PAXIP1: variants seen among roughly 807,000 people sequenced by gnomAD.
The protein encoded by PAXIP1 is PAX interacting protein 1.
PAXIP1 carries 19 observed loss-of-function variants against 140.6 expected under a neutral mutation model. The ratio of observed to expected loss-of-function variants is 0.14; its 90% CI spans 0.09 to 0.20. The LOEUF is 0.20. PAXIP1 is among the 10% of genes least tolerant of loss of function. PAXIP1 has a pLI of 1.00. For missense variants in PAXIP1, 920 were observed against 1,208.6 expected, an observed-to-expected ratio of 0.76 and a Z score of 3.54; for synonymous variants, 442 against 444.6, an observed-to-expected ratio of 0.99 and a Z score of 0.07.
intron 3 of PAXIP1, 36 bp from the exon 4 acceptor site, chr7:154,991,105 A>G: frequency 4.4e-6 from 5 of 1,142,004 alleles, no homozygotes; most frequent in Non-Finnish European, 6.3e-6. Flanking sequence ...ATGAAATAAG[A>G]TTAGTGCAAC....
intron 5 of PAXIP1, among the ~76,000 whole-genome samples, chr7:154,982,309 T>G (rs1809877206): frequency 6.6e-6 from 1 of 152,208 alleles, no homozygotes; most frequent in Admixed American, 6.5e-5. Context: ...CACTGACTGT[T>G]GGGCTCATCT....
At chr7:154,991,408 A>G (rs1054395070) in intron 3 of PAXIP1, among the ~76,000 whole-genome samples, 1 of 151,790 alleles carries the variant, frequency 6.6e-6, no homozygotes, top group Non-Finnish European at 1.5e-5. Context: ...ATACACATAC[A>G]CACAAATGGC....
At chr7:155,002,330 C>T (rs1009335104) in intron 1 of PAXIP1, among the ~76,000 whole-genome samples, 2 of 152,308 alleles carry the variant, frequency 1.3e-5, no homozygotes, top group East Asian at 1.9e-4. Flanking sequence ...CCGCACAGGA[C>T]GGCAGCTGCC....
intron 3 of PAXIP1, 76 bp downstream of exon 3, chr7:154,993,650 C>A: frequency 2.8e-6 from 3 of 1,078,996 alleles, no homozygotes; most frequent in Middle Eastern, 2.0e-4. Flanking sequence ...ACTTTTCACT[C>A]CATTAACTAT....
At position 154,946,447 on chromosome 7, in the gene PAXIP1, A is replaced by G; in HGVS notation, c.3134-22T>C. On this transcript the variant is annotated intron_variant, in intron 19 of 20. Coordinates refer to ENST00000404141, the MANE Select transcript of PAXIP1 (RefSeq NM_007349.4). This position sits in a 1 kb window ranked among gnomAD's most constrained non-coding sequence, Gnocchi z 4.9. ...ACATCTGAACAGGGTGGAAACAGAC[A>G]CTTTAGTTAGAGATCCACTGCTGTG... 6.2e-7 allele frequency: 1 copy of G among 1,612,120 alleles called. No homozygotes were observed.
At position 154,955,589 on chromosome 7, in the gene PAXIP1, T is replaced by C. The variant is rs752182775; in HGVS notation, c.2592A>G (p.Glu864=). 6 of 1,602,568 alleles carry C rather than the reference T, an allele frequency of 3.7e-6. No individual in the cohort carries two copies. In the South Asian group the frequency reaches 5.6e-5, roughly 15 times the overall value. Residue 864 remains glutamate, a synonymous_variant, in exon 15 of 21, where the codon GAA becomes GAG. Transcript: ENST00000404141. ...CAGTGAAAAGCACAAAAGGGGTCAATTCTGGAGTTAGCTTTTTAGTGGGAG... is the reference window on the plus strand; with the variant it reads ...CAGTGAAAAGCACAAAAGGGGTCAACTCTGGAGTTAGCTTTTTAGTGGGAG... ...VPPPTKKLTP[E]LTPFVLFTGF... is the part of the protein sequence containing the mutation.
intron 1 of PAXIP1, among the ~76,000 whole-genome samples, chr7:154,999,548 T>G (rs1810791303): frequency 6.6e-6 from 1 of 152,156 alleles, no homozygotes; most frequent in African/African-American, 2.4e-5. Flanking sequence ...GATGTCCTGA[T>G]GGGCAGAAAG....
chr7:154,985,053 C>T (rs892784542), intron 4 of PAXIP1, among the ~76,000 whole-genome samples: 4 of 152,154 alleles, frequency 2.6e-5, no homozygotes, highest in Non-Finnish European at 5.9e-5. Flanking sequence ...CCAGATTCTT[C>T]ACTGATGTAC....
At chr7:154,978,147 T>C (rs1309940868) in intron 5 of PAXIP1, among the ~76,000 whole-genome samples, 2 of 152,240 alleles carry the variant, frequency 1.3e-5, no homozygotes, top group Non-Finnish European at 2.9e-5. Flanking sequence ...CAATGAACTA[T>C]GATTCACCTC....
intron 4 of PAXIP1, among the ~76,000 whole-genome samples, chr7:154,988,097 T>C (rs1810156882): frequency 6.6e-6 from 1 of 152,236 alleles, no homozygotes; most frequent in Non-Finnish European, 1.5e-5. Context: ...TATACCTTGG[T>C]TTCCCATCGT....
chr7:154,982,078 G>A (rs1434679982), intron 5 of PAXIP1, among the ~76,000 whole-genome samples: 1 of 152,112 alleles, frequency 6.6e-6, no homozygotes, highest in Non-Finnish European at 1.5e-5. Flanking sequence ...AATTAACTAT[G>A]TAAAAATCAA....
intron 8 of PAXIP1, chr7:154,965,568 C>G (rs1348159601): frequency 1.3e-5 from 2 of 152,326 alleles, no homozygotes; most frequent in Admixed American, 1.3e-4. Context: ...CCTGTCCCTC[C>G]TCCTCCTAGG....
chr7:154,954,244 C>A lies in PAXIP1; in HGVS notation c.2821+11G>T. 6.7e-7 allele frequency: 1 copy of A among 1,493,730 alleles called. No homozygotes were observed. The highest frequency in any genetic ancestry group is 9.0e-7 in the Non-Finnish European group (1 of 1,105,606). The allele number at this position is 1,493,730 out of a possible 1,614,324, so 92.5% of individuals were successfully genotyped here. A position where few individuals can be genotyped will look rare whatever the true frequency, so the allele number is the denominator to read the frequency against. Reference sequence around the variant, plus strand: ...GGCATTAAAAGCAAAGTTACTGGCGCTGCTCCTTACCAATGAACTTCTGAC... The same window carrying A: ...GGCATTAAAAGCAAAGTTACTGGCGATGCTCCTTACCAATGAACTTCTGAC... On this transcript the variant is annotated intron_variant, in intron 16 of 20. Coordinates refer to ENST00000404141, the MANE Select transcript of PAXIP1 (RefSeq NM_007349.4). The surrounding 1 kb of genome is among the most constrained non-coding windows in gnomAD (Gnocchi z 5.1).
intron 2 of PAXIP1, among the ~76,000 whole-genome samples, chr7:154,994,898 T>C (rs1477362472): frequency 3.3e-5 from 5 of 152,246 alleles, no homozygotes; most frequent in Non-Finnish European, 7.3e-5. Context: ...TTTCGATCTA[T>C]GTGCCTTATC....
At chr7:154,994,696 T>C (rs1329210532) in intron 2 of PAXIP1, among the ~76,000 whole-genome samples, 1 of 152,156 alleles carries the variant, frequency 6.6e-6, no homozygotes, top group Non-Finnish European at 1.5e-5. Context: ...TTAGATGACA[T>C]CTAAAATTTT....
Position 154,946,517 on chromosome 7 carries a change from C to T in PAXIP1, c.3128G>A (p.Gly1043Asp), listed in dbSNP as rs376214339. 34 of 1,613,760 alleles carry T rather than the reference C, an allele frequency of 2.1e-5. No homozygotes were observed. Among genetic ancestry groups the T allele is most frequent in the Admixed American group, 3.3e-5 (2 of 60,002 alleles). ...AGGTAAGCGGGGAAACGTACCTATGCCTCTGGCAAAATATTCTCGGCATAA... is the reference window on the plus strand; with the variant it reads ...AGGTAAGCGGGGAAACGTACCTATGTCTCTGGCAAAATATTCTCGGCATAA... ...LHLCREYFAR[G>D]IDVHNAEFVL... Residue 1043 changes from glycine to aspartate, a missense_variant, in exon 19 of 21, where the codon GGC (glycine) becomes GAC (aspartate). This residue lies in a region of PAXIP1 where 303 missense variants were observed against 517.9 expected (regional missense o/e 0.59). Transcript: ENST00000404141. This position sits in a 1 kb window ranked among gnomAD's most constrained non-coding sequence, Gnocchi z 4.9.
chr7:154,995,868 C>A (rs754887529), intron 2 of PAXIP1, among the ~76,000 whole-genome samples: 3 of 152,130 alleles, frequency 2.0e-5, no homozygotes, highest in Non-Finnish European at 2.9e-5. Flanking sequence ...AAGCCCACTA[C>A]AAGTCAGCAA....
chr7:154,969,778 T>C (rs1044461265), intron 6 of PAXIP1, among the ~76,000 whole-genome samples: 5 of 152,162 alleles, frequency 3.3e-5, no homozygotes, highest in Non-Finnish European at 7.3e-5. Flanking sequence ...TGGCATGCTA[T>C]GGAAAAGGAG....
chr7:154,948,053 TG>T, intron 16 of PAXIP1, 50 bp from the exon 17 acceptor site: 1 of 1,287,340 alleles, frequency 7.8e-7, no homozygotes. Context: ...ACGTGAAGTG[TG>T]GCAAGTGTGA....
Sources: allele counts gnomAD v4.1 joint callset (sites outside exome capture counted in the v4.1 genomes callset), GRCh38; gene constraint gnomAD v4.1.1; regional missense constraint gnomAD v4.1.1; non-coding constraint Gnocchi (gnomAD v3.1); transcripts MANE v1.5; gene names NCBI Gene and HGNC (gene_info 2026-07-23, HGNC 2026-07-21).